The following PCED1B variants were observed in gnomAD, a reference collection of about 807,000 sequenced individuals.
The protein encoded by PCED1B is PC-esterase domain-containing protein 1B.
For synonymous variants in PCED1B, 251 were observed against 246.1 expected, an observed-to-expected ratio of 1.02 and a Z score of -0.19; for missense variants, 573 against 573.9, an observed-to-expected ratio of 1.00 and a Z score of 0.02.
At chr12:47,083,959 T>C (rs954890825) in intron 1 of PCED1B, among the ~76,000 whole-genome samples, 2 of 152,186 alleles carry the variant, frequency 1.3e-5, no homozygotes, top group Admixed American at 6.5e-5. Flanking sequence ...GACATAAAAT[T>C]CACCATTGTA....
Position 47,120,498 on chromosome 12 carries a change from C to A in PCED1B, c.-526+16303C>A, listed in dbSNP as rs117799534. Among the ~76,000 whole-genome samples, 1,225 of 152,088 alleles carry A rather than the reference C, an allele frequency of 8.1e-3. 7 individuals are homozygous for A. Among genetic ancestry groups the A allele is most frequent in the Non-Finnish European group, 0.013 (874 of 67,996 alleles). On this transcript the variant is annotated intron_variant, in intron 2 of 3. Transcript: ENST00000546455. ...ATCTACATAGTGGAATATGTTATGGCCATAAAAAAGAATGCAGTACAGGCC... is the reference window on the plus strand; with the variant it reads ...ATCTACATAGTGGAATATGTTATGGACATAAAAAAGAATGCAGTACAGGCC...
At chr12:47,080,757 C>T (rs1459050745) in intron 1 of PCED1B, among the ~76,000 whole-genome samples, 1 of 152,122 alleles carries the variant, frequency 6.6e-6, no homozygotes, top group Non-Finnish European at 1.5e-5. Flanking sequence ...CAGAGCAGAC[C>T]TTTTTTTCTT....
chr12:47,115,730 A>G (rs544831748), intron 2 of PCED1B, among the ~76,000 whole-genome samples: 2 of 152,244 alleles, frequency 1.3e-5, no homozygotes, highest in Non-Finnish European at 2.9e-5. Context: ...TGAGGTAATG[A>G]CATGATGATG....
At chr12:47,217,504 G>T (rs1194196313) in intron 3 of PCED1B, among the ~76,000 whole-genome samples, 1 of 135,210 alleles carries the variant, frequency 7.4e-6, no homozygotes, top group East Asian at 2.2e-4. Context: ...AAGAAAGAAA[G>T]AAAGAAAGAA....
chr12:47,180,701 G>C (rs1303355226), intron 2 of PCED1B, among the ~76,000 whole-genome samples: 1 of 152,002 alleles, frequency 6.6e-6, no homozygotes, highest in Non-Finnish European at 1.5e-5. Context: ...CTACCCATCT[G>C]ACAAATGTCT....
intron 1 of PCED1B, among the ~76,000 whole-genome samples, chr12:47,094,367 A>T (rs1938388629): frequency 6.6e-6 from 1 of 152,182 alleles, no homozygotes; most frequent in Non-Finnish European, 1.5e-5. Flanking sequence ...CTAATCTGAC[A>T]GTATTTTACT....
intron 3 of PCED1B, among the ~76,000 whole-genome samples, chr12:47,224,748 G>T (rs2137856441): frequency 6.6e-6 from 1 of 152,270 alleles, no homozygotes; most frequent in Non-Finnish European, 1.5e-5. Flanking sequence ...GTTGTTGAGG[G>T]ATGTGAGCCA....
At chr12:47,158,518 A>G (rs905499678) in intron 2 of PCED1B, among the ~76,000 whole-genome samples, 1 of 151,976 alleles carries the variant, frequency 6.6e-6, no homozygotes, top group Non-Finnish European at 1.5e-5. Context: ...TTTGTTGTTC[A>G]GTTTTATGAG....
intron 2 of PCED1B, among the ~76,000 whole-genome samples, chr12:47,180,806 A>G (rs1322986198): frequency 6.6e-6 from 1 of 152,220 alleles, no homozygotes; most frequent in Non-Finnish European, 1.5e-5. Flanking sequence ...TCAGAAGAAG[A>G]CATTCATGCA....
chr12:47,171,889 TC>T (rs1202755978), intron 2 of PCED1B, among the ~76,000 whole-genome samples: 2 of 148,524 alleles, frequency 1.3e-5, no homozygotes, highest in Non-Finnish European at 2.9e-5. Context: ...TTCTTCTTCT[TC>T]TTCTTCCTCT....
At chr12:47,222,792 A>G (rs1215045465) in intron 3 of PCED1B, among the ~76,000 whole-genome samples, 2 of 152,102 alleles carry the variant, frequency 1.3e-5, no homozygotes, top group Non-Finnish European at 2.9e-5. Context: ...CAGGGGGCCA[A>G]CCCCAGAGCC....
intron 2 of PCED1B, among the ~76,000 whole-genome samples, chr12:47,119,575 A>G (rs1461109651): frequency 6.6e-6 from 1 of 152,172 alleles, no homozygotes; most frequent in East Asian, 1.9e-4. Context: ...TTTGTGCTTC[A>G]AAAAACACTA....
Position 47,159,081 on chromosome 12 carries a change from T to C in PCED1B, c.-526+54886T>C, listed in dbSNP as rs193202314. Among the ~76,000 whole-genome samples the C allele has an allele frequency of 5.3e-3, 480 of 91,242 alleles. 3 individuals are homozygous for C. The highest frequency in any genetic ancestry group is 0.011 in the African/African-American group (372 of 35,040). 59.9% of individuals were successfully genotyped at this position (91,242 alleles called of 152,430 possible). ...TGCTGCAAATGACATGATTTTATTA[T>C]TTTTTTACAGCTGAATAGTATTCCA... On this transcript the variant is annotated intron_variant, in intron 2 of 3. Transcript: ENST00000546455.
At chr12:47,092,940 C>CT (rs1938328998) in intron 1 of PCED1B, among the ~76,000 whole-genome samples, 1 of 151,964 alleles carries the variant, frequency 6.6e-6, no homozygotes, top group Non-Finnish European at 1.5e-5. Flanking sequence ...GAAAGATGGG[C>CT]TTGCAGTTTT....
chr12:47,110,841 A>C (rs897560457), intron 2 of PCED1B, among the ~76,000 whole-genome samples: 4 of 152,146 alleles, frequency 2.6e-5, no homozygotes, highest in Non-Finnish European at 5.9e-5. Flanking sequence ...AACACACACA[A>C]AGCTTGGTCC....
intron 2 of PCED1B, among the ~76,000 whole-genome samples, chr12:47,180,225 G>A (rs1942052370): frequency 6.6e-6 from 1 of 152,176 alleles, no homozygotes; most frequent in Admixed American, 6.5e-5. Flanking sequence ...AGTTTGCTGA[G>A]GATAATGGCT....
intron 2 of PCED1B, among the ~76,000 whole-genome samples, chr12:47,126,668 A>T (rs1608823): frequency 0.22 from 33,986 of 152,054 alleles, 7,198 homozygotes; most frequent in African/African-American, 0.56. Context: ...TCAATTTCAA[A>T]TTATTTAATT....
chr12:47,132,492 A>G (rs553703633), intron 2 of PCED1B, among the ~76,000 whole-genome samples: 20 of 152,310 alleles, frequency 1.3e-4, no homozygotes, highest in South Asian at 4.1e-4. Flanking sequence ...GAAAGTTTGA[A>G]TGCAGTCTTT....
At chr12:47,192,090 T>C (rs1942458855) in intron 2 of PCED1B, among the ~76,000 whole-genome samples, 1 of 152,090 alleles carries the variant, frequency 6.6e-6, no homozygotes. Flanking sequence ...CTATACATTG[T>C]TCTAGAATTA....
Sources: allele counts gnomAD v4.1 joint callset (sites outside exome capture counted in the v4.1 genomes callset), GRCh38; gene constraint gnomAD v4.1.1; transcripts MANE v1.5; gene names NCBI Gene and HGNC (gene_info 2026-07-23, HGNC 2026-07-21).